The following OPRM1 variants were observed in gnomAD, a reference collection of about 807,000 sequenced individuals.
OPRM1 encodes the protein mu-type opioid receptor.
OPRM1 carries 27 observed loss-of-function variants against 31.8 expected under a neutral mutation model. The observed-to-expected ratio is 0.85, with a 90% CI of 0.63 to 1.17. The LOEUF (loss-of-function observed/expected upper bound fraction) is 1.17, where lower values mean the gene tolerates loss of function less well. Ranked by LOEUF, OPRM1 falls within the 50% of genes most tolerant of loss-of-function variation. The pLI is 0.00. For synonymous variants in OPRM1, 196 were observed against 189.9 expected (o/e 1.03, Z -0.26); for missense variants, 536 against 511.1 (o/e 1.05, Z -0.47).
At chr6:154,114,571 G>T (rs9478506) in intron 3 of OPRM1, among the ~76,000 whole-genome samples, 15,976 of 152,138 alleles carry the variant, frequency 0.11, 1,181 homozygotes, top group Non-Finnish European at 0.14. Context: ...GCCAGGGAAG[G>T]GGTCTTAATC....
At chr6:154,212,679 T>C (rs1176078258) in intron 3 of OPRM1, 9 of 830,324 alleles carry the variant, frequency 1.1e-5, no homozygotes, top group African/African-American at 6.9e-5. Flanking sequence ...ATTCTAAAAA[T>C]TTATTGGTCA....
At position 154,128,170 on chromosome 6, in the gene OPRM1, T is replaced by C. The variant is rs1243302154; in HGVS notation, c.*9449T>C. On this transcript the variant is annotated 3_prime_UTR_variant, in exon 4 of 4. Coordinates refer to ENST00000330432, the MANE Select transcript of OPRM1 (RefSeq NM_000914.5). ...ACCTGTAATTCAATCATATAACTTCTGAATGGGCTGGGGGAAAATAACAAT... is the reference window on the plus strand; with the variant it reads ...ACCTGTAATTCAATCATATAACTTCCGAATGGGCTGGGGGAAAATAACAAT... 6.6e-6 allele frequency among the ~76,000 whole-genome samples: 1 copy of C among 152,208 alleles called. No individual in the cohort carries two copies. The highest frequency in any genetic ancestry group is 1.5e-5 in the Non-Finnish European group (1 of 68,040).
chr6:154,102,098 C>A (rs1794917298), intron 3 of OPRM1, among the ~76,000 whole-genome samples: 1 of 152,058 alleles, frequency 6.6e-6, no homozygotes, highest in African/African-American at 2.4e-5. Context: ...CACCATCACA[C>A]CATGCTAATT....
chr6:154,243,093 C>A (rs755572386), intron 3 of OPRM1, among the ~76,000 whole-genome samples: 1 of 152,038 alleles, frequency 6.6e-6, no homozygotes, highest in African/African-American at 2.4e-5. Context: ...ACAGCATATG[C>A]GAAGGCTTAG....
intron 3 of OPRM1, among the ~76,000 whole-genome samples, chr6:154,180,884 A>G (rs1800813300): frequency 6.6e-6 from 1 of 152,196 alleles, no homozygotes; most frequent in South Asian, 2.1e-4. Flanking sequence ...AACACTTGGA[A>G]AAATTTAGGT....
At chr6:154,110,404 AG>A in intron 3 of OPRM1, 1 of 1,508,760 alleles carries the variant, frequency 6.6e-7, no homozygotes, top group Non-Finnish European at 9.0e-7. Context: ...GAGCATACCA[AG>A]GGCTAATAAT....
rs34877577 is a variant in OPRM1, at chr6:154,235,531, CA to C, written c.1165-11142del. ...GGGCGACAAGAGCAAAACTCTGTCACAAAAAAAAAAAAAAAAAAAAGTAATG... is the reference window on the plus strand; with the variant it reads ...GGGCGACAAGAGCAAAACTCTGTCACAAAAAAAAAAAAAAAAAAAGTAATG... On this transcript the variant is annotated intron_variant, in intron 3 of 3. Transcript: ENST00000337049. 2.0e-3 allele frequency among the ~76,000 whole-genome samples: 197 copies of C among 97,552 alleles called. 1 individual carries two copies. The East Asian group carries it at 0.024, about 12-fold the overall frequency. The allele number at this position is 97,552 out of a possible 152,430, so 64.0% of individuals were successfully genotyped here. A position where few individuals can be genotyped will look rare whatever the true frequency, so the allele number is the denominator to read the frequency against.
intron 1 of OPRM1, chr6:154,086,498 T>C: frequency 1.4e-6 from 1 of 737,296 alleles, no homozygotes; most frequent in Non-Finnish European, 1.7e-6. Context: ...TGTATACACA[T>C]TGTGGAATGG....
At chr6:154,148,488 G>A (rs562118717) in intron 3 of OPRM1, among the ~76,000 whole-genome samples, 38 of 152,326 alleles carry the variant, frequency 2.5e-4, no homozygotes, top group African/African-American at 8.9e-4. Context: ...CTGCCACCAT[G>A]TCTTCTCTGT....
chr6:154,064,527 C>G (rs1408484754), intron 1 of OPRM1, among the ~76,000 whole-genome samples: 1 of 152,128 alleles, frequency 6.6e-6, no homozygotes, highest in African/African-American at 2.4e-5. Flanking sequence ...CTTTTGTTGC[C>G]TGTGCCTTTA....
At chr6:154,091,553 T>A in intron 3 of OPRM1, 81 bp downstream of exon 3, 2 of 1,497,380 alleles carry the variant, frequency 1.3e-6, no homozygotes, top group Non-Finnish European at 1.8e-6. Flanking sequence ...AGGAGTTTAA[T>A]CCATTATAGA....
At chr6:154,186,892 C>T (rs1031987646) in intron 3 of OPRM1, among the ~76,000 whole-genome samples, 3 of 152,036 alleles carry the variant, frequency 2.0e-5, no homozygotes, top group African/African-American at 7.2e-5. Context: ...GAGATGGCAC[C>T]GCTCCTCCCT....
chr6:154,155,960 C>T (rs891964453), intron 3 of OPRM1: 2 of 152,138 alleles, frequency 1.3e-5, no homozygotes, highest in African/African-American at 4.8e-5. Context: ...ATCATGATTA[C>T]ATGAAAAGCA....
chr6:154,229,973 A>G (rs1697508817), intron 3 of OPRM1, among the ~76,000 whole-genome samples: 1 of 152,218 alleles, frequency 6.6e-6, no homozygotes, highest in African/African-American at 2.4e-5. Flanking sequence ...GCGATCAGTT[A>G]TGACTGTGTG....
chr6:154,093,160 C>T (rs2128490057), intron 3 of OPRM1: 1 of 891,622 alleles, frequency 1.1e-6, no homozygotes, highest in Non-Finnish European at 1.7e-6. Context: ...AAGATTGCAA[C>T]TTAAAATGCC....
At chr6:154,180,202 T>C (rs1350453825) in intron 3 of OPRM1, among the ~76,000 whole-genome samples, 2 of 152,082 alleles carry the variant, frequency 1.3e-5, no homozygotes, top group African/African-American at 2.4e-5. Flanking sequence ...CAGTGCCTCA[T>C]AATGTTGAGT....
intron 1 of OPRM1, among the ~76,000 whole-genome samples, chr6:154,031,118 CA>C (rs1368333728): frequency 6.6e-6 from 1 of 152,170 alleles, no homozygotes; most frequent in Non-Finnish European, 1.5e-5. Flanking sequence ...TTAATCTCAT[CA>C]AAAGCTCTGT....
chr6:154,185,132 T>C (rs568232123), intron 3 of OPRM1, among the ~76,000 whole-genome samples: 2 of 152,312 alleles, frequency 1.3e-5, no homozygotes, highest in South Asian at 4.1e-4. Flanking sequence ...TTGAATATTA[T>C]TGTCCCCTGA....
intron 3 of OPRM1, among the ~76,000 whole-genome samples, chr6:154,112,360 C>G (rs1796451116): frequency 6.6e-6 from 1 of 152,172 alleles, no homozygotes; most frequent in Non-Finnish European, 1.5e-5. Context: ...TTACTCACAG[C>G]ACAGTAAACA....
Sources: allele counts gnomAD v4.1 joint callset (sites outside exome capture counted in the v4.1 genomes callset), GRCh38; gene constraint gnomAD v4.1.1; transcripts MANE v1.5; gene names NCBI Gene and HGNC (gene_info 2026-07-23, HGNC 2026-07-21).